Variants in SGCZ observed in about 807,000 individuals in gnomAD.
SGCZ encodes zeta-sarcoglycan.
A neutral mutation model predicts 41.3 loss-of-function variants in SGCZ; 40 were observed. The ratio of observed to expected loss-of-function variants is 0.97; its 90% CI spans 0.75 to 1.26. The LOEUF (loss-of-function observed/expected upper bound fraction) is 1.26, where lower values mean the gene tolerates loss of function less well. Ranked by LOEUF, SGCZ falls within the 50% of genes most tolerant of loss-of-function variation. The pLI is 0.00. For synonymous variants in SGCZ, 206 were observed against 137.5 expected (o/e 1.50, Z -3.49); for missense variants, 552 against 369.8 (o/e 1.49, Z -4.04).
intron 3 of SGCZ, among the ~76,000 whole-genome samples, chr8:14,303,929 T>C (rs941182872): frequency 6.6e-5 from 10 of 151,922 alleles, no homozygotes; most frequent in Admixed American, 5.9e-4. Context: ...TTTTTCTATT[T>C]TTAGTAGAGA....
At chr8:15,194,092 T>C (rs35735027) in intron 1 of SGCZ, among the ~76,000 whole-genome samples, 53,271 of 151,700 alleles carry the variant, frequency 0.35, 12,181 homozygotes, top group Non-Finnish European at 0.48. Context: ...CATAGAGTTA[T>C]TTATCTTTAA....
chr8:14,941,315 C>A (rs1281354448), intron 1 of SGCZ, among the ~76,000 whole-genome samples: 1 of 152,082 alleles, frequency 6.6e-6, no homozygotes, highest in Non-Finnish European at 1.5e-5. Flanking sequence ...TTTGCTACAG[C>A]ATTATTTAAA....
chr8:15,192,819 G>C (rs1004139476), intron 1 of SGCZ, among the ~76,000 whole-genome samples: 1 of 151,954 alleles, frequency 6.6e-6, no homozygotes, highest in African/African-American at 2.4e-5. Context: ...CATTCTTGTG[G>C]TTTCTCACTC....
At chr8:14,389,955 A>G (rs1232826933) in intron 2 of SGCZ, among the ~76,000 whole-genome samples, 2 of 152,024 alleles carry the variant, frequency 1.3e-5, no homozygotes, top group African/African-American at 4.8e-5. Flanking sequence ...CGGTGTGAGT[A>G]TTGAGAAACG....
intron 1 of SGCZ, among the ~76,000 whole-genome samples, chr8:14,799,252 T>C (rs1366824345): frequency 6.6e-6 from 1 of 152,194 alleles, no homozygotes; most frequent in Non-Finnish European, 1.5e-5. Context: ...CTTAACGAGA[T>C]GACCTTTAGT....
chr8:14,615,732 C>T (rs1806078364), intron 1 of SGCZ, among the ~76,000 whole-genome samples: 2 of 152,264 alleles, frequency 1.3e-5, no homozygotes, highest in Admixed American at 6.5e-5. Flanking sequence ...AGCTTGAGTA[C>T]TGTTTCAAAT....
At chr8:14,444,349 A>G (rs1040364224) in intron 2 of SGCZ, among the ~76,000 whole-genome samples, 7 of 152,178 alleles carry the variant, frequency 4.6e-5, no homozygotes, top group Non-Finnish European at 7.3e-5. Context: ...GCTGCTATAA[A>G]GACACATGCA....
chr8:14,281,868 CTTTT>C (rs11297234), intron 3 of SGCZ, among the ~76,000 whole-genome samples: 1 of 151,666 alleles, frequency 6.6e-6, no homozygotes, highest in Non-Finnish European at 1.5e-5. Flanking sequence ...CCATACTGTT[CTTTT>C]TTTTTATTAT....
chr8:15,171,102 A>T (rs1799813759), intron 1 of SGCZ, among the ~76,000 whole-genome samples: 1 of 152,232 alleles, frequency 6.6e-6, no homozygotes, highest in Admixed American at 6.5e-5. Context: ...GACAAAAGAT[A>T]ACAAGAAAGA....
At chr8:15,050,207 G>A (rs1480960745) in intron 1 of SGCZ, among the ~76,000 whole-genome samples, 1 of 152,136 alleles carries the variant, frequency 6.6e-6, no homozygotes, top group Non-Finnish European at 1.5e-5. Flanking sequence ...CTGAGGAATT[G>A]ATGGTACCAT....
intron 1 of SGCZ, among the ~76,000 whole-genome samples, chr8:15,126,485 A>C (rs934383443): frequency 1.4e-4 from 22 of 152,334 alleles, no homozygotes; most frequent in African/African-American, 5.3e-4. Context: ...AACTGGAATA[A>C]GAATGGATCC....
chr8:14,848,847 T>C (rs1227766738), intron 1 of SGCZ, among the ~76,000 whole-genome samples: 2 of 152,056 alleles, frequency 1.3e-5, no homozygotes. Flanking sequence ...AAAATGGATA[T>C]CAGAAAAACT....
chr8:14,851,602 T>C (rs1257031976), intron 1 of SGCZ, among the ~76,000 whole-genome samples: 1 of 152,150 alleles, frequency 6.6e-6, no homozygotes, highest in South Asian at 2.1e-4. Flanking sequence ...TTTACTGTCC[T>C]GTCAAAACAC....
At chr8:15,221,831 G>A (rs188007678) in intron 1 of SGCZ, among the ~76,000 whole-genome samples, 4 of 152,240 alleles carry the variant, frequency 2.6e-5, no homozygotes, top group South Asian at 2.1e-4. Context: ...ACTGCATTTC[G>A]TTTTGTTCAG....
At chr8:14,544,388 A>G (rs1803561007) in intron 2 of SGCZ, among the ~76,000 whole-genome samples, 1 of 152,122 alleles carries the variant, frequency 6.6e-6, no homozygotes, top group South Asian at 2.1e-4. Context: ...AGCGATTTTT[A>G]TGGAACAAGG....
At chr8:14,408,568 GT>G (rs1175212254) in intron 2 of SGCZ, among the ~76,000 whole-genome samples, 7 of 152,076 alleles carry the variant, frequency 4.6e-5, no homozygotes, top group African/African-American at 1.4e-4. Context: ...CTTTTCCACA[GT>G]GGCTAGATGA....
chr8:14,359,361 C>T lies in SGCZ; in HGVS notation c.235-35157G>A, dbSNP rs1320957307. On this transcript the variant is annotated intron_variant, in intron 2 of 7. Transcript: ENST00000382080. ...ACAAAGAAATACTGTACTTAATCCACACTATAGACAAAATGAATCTAATAG... is the reference window on the plus strand; with the variant it reads ...ACAAAGAAATACTGTACTTAATCCATACTATAGACAAAATGAATCTAATAG... 2.6e-5 allele frequency among the ~76,000 whole-genome samples: 4 copies of T among 152,038 alleles called. No homozygotes were observed. The East Asian group carries it at 7.7e-4, about 29-fold the overall frequency.
At chr8:14,586,383 T>A (rs369959590) in intron 1 of SGCZ, among the ~76,000 whole-genome samples, 102 of 152,162 alleles carry the variant, frequency 6.7e-4, no homozygotes, top group Non-Finnish European at 9.3e-4. Flanking sequence ...CAGGCTAATT[T>A]TTGTGTTTTT....
chr8:14,610,676 T>C (rs1805899348), intron 1 of SGCZ, among the ~76,000 whole-genome samples: 1 of 152,152 alleles, frequency 6.6e-6, no homozygotes, highest in African/African-American at 2.4e-5. Context: ...GATGATGATA[T>C]AAGGCAGAAA....
Sources: allele counts gnomAD v4.1 joint callset (sites outside exome capture counted in the v4.1 genomes callset), GRCh38; gene constraint gnomAD v4.1.1; transcripts MANE v1.5; gene names NCBI Gene and HGNC (gene_info 2026-07-23, HGNC 2026-07-21).